The following CYP2C19 variants were observed in gnomAD, a reference collection of about 807,000 sequenced individuals.
The protein encoded by CYP2C19 is cytochrome P450 2C19.
CYP2C19 carries 59 observed loss-of-function variants against 40.9 expected under a neutral mutation model. The ratio of observed to expected loss-of-function variants is 1.44; its 90% CI spans 1.17 to 1.79. The LOEUF is 1.79. Ranked by LOEUF, CYP2C19 falls within the 40% of genes most tolerant of loss-of-function variation. CYP2C19 has a pLI of 0.00. For synonymous variants in CYP2C19, 253 were observed against 208.7 expected (o/e 1.21, Z -1.83); for missense variants, 754 against 596.9 (o/e 1.26, Z -2.74).
intron 5 of CYP2C19, among the ~76,000 whole-genome samples, chr10:94,798,078 G>T (rs1387694530): frequency 6.6e-6 from 1 of 151,834 alleles, no homozygotes; most frequent in Non-Finnish European, 1.5e-5. Flanking sequence ...TTTTAATTGT[G>T]AGTTTTGGTG....
At chr10:94,790,152 T>C (rs531871900) in intron 5 of CYP2C19, among the ~76,000 whole-genome samples, 1 of 152,278 alleles carries the variant, frequency 6.6e-6, no homozygotes, top group Admixed American at 6.5e-5. Flanking sequence ...GTTTATCTAT[T>C]ATTGGTGTAT....
intron 5 of CYP2C19, among the ~76,000 whole-genome samples, chr10:94,793,207 G>T (rs974743411): frequency 2.0e-5 from 3 of 152,026 alleles, no homozygotes; most frequent in Non-Finnish European, 4.4e-5. Context: ...AGTTCCATCA[G>T]GTCATTTAAG....
At chr10:94,830,110 TTGTC>T (rs1849304816) in intron 6 of CYP2C19, among the ~76,000 whole-genome samples, 1 of 152,190 alleles carries the variant, frequency 6.6e-6, no homozygotes, top group South Asian at 2.1e-4. Context: ...GTCTTTTTGT[TTGTC>T]TGTGCCCTGC....
At chr10:94,831,438 A>C (rs917443650) in intron 6 of CYP2C19, among the ~76,000 whole-genome samples, 1 of 152,190 alleles carries the variant, frequency 6.6e-6, no homozygotes, top group Admixed American at 6.5e-5. Context: ...TTTTTAAAAA[A>C]CTTACAATAT....
chr10:94,789,311 G>C (rs535997172), intron 5 of CYP2C19, among the ~76,000 whole-genome samples: 10 of 151,864 alleles, frequency 6.6e-5, no homozygotes, highest in Non-Finnish European at 1.2e-4. Flanking sequence ...TCACTCTGAC[G>C]ATAGTTTCTT....
In CYP2C19 at chr10:94,849,908, T is replaced by A; in HGVS notation, c.1150-9T>A. ...TACAGCTCAGTTCACCTATGTCTCT[T>A]GTTTCTAGGGCACAACCATATTAAC... On this transcript the variant is annotated splice_polypyrimidine_tract_variant and intron_variant, in intron 7 of 8. Coordinates refer to ENST00000371321, the MANE Select transcript of CYP2C19 (RefSeq NM_000769.4). 2 of 1,613,534 alleles carry A rather than the reference T, an allele frequency of 1.2e-6. No individual in the cohort carries two copies. The highest frequency in any genetic ancestry group is 1.7e-6 in the Non-Finnish European group (2 of 1,179,644).
chr10:94,840,809 A>G (rs562741444), intron 6 of CYP2C19, among the ~76,000 whole-genome samples: 45 of 152,030 alleles, frequency 3.0e-4, no homozygotes, highest in Non-Finnish European at 6.0e-4. Flanking sequence ...CATTCCCAAT[A>G]GAAGGGTTGG....
In CYP2C19 at chr10:94,781,134, G is replaced by A. The variant is rs117942833; in HGVS notation, c.642+475G>A. Among the ~76,000 whole-genome samples, 240 of 152,310 alleles carry A rather than the reference G, an allele frequency of 1.6e-3. 1 individual carries two copies. The highest frequency in any genetic ancestry group is 2.7e-3 in the Non-Finnish European group (187 of 68,028). ...AAGCTGCCAAGAAACACTGAATAGG[G>A]CAGAGGTGTTTGATGTCTCAGTTGG... is the stretch of plus-strand genomic sequence containing the variant. On this transcript the variant is annotated intron_variant, in intron 4 of 8. Transcript: ENST00000371321.
intron 5 of CYP2C19, among the ~76,000 whole-genome samples, chr10:94,804,063 A>C (rs892425631): frequency 6.6e-6 from 1 of 152,034 alleles, no homozygotes; most frequent in Non-Finnish European, 1.5e-5. Flanking sequence ...TATACCAAGG[A>C]AGAGTGGGGT....
At chr10:94,800,982 G>T (rs1014758736) in intron 5 of CYP2C19, among the ~76,000 whole-genome samples, 1 of 152,168 alleles carries the variant, frequency 6.6e-6, no homozygotes. Flanking sequence ...TCCTGGGTGA[G>T]GCAGTGCCCC....
At chr10:94,850,983 G>T (rs1047353253) in intron 8 of CYP2C19, among the ~76,000 whole-genome samples, 1 of 152,138 alleles carries the variant, frequency 6.6e-6, no homozygotes, top group Non-Finnish European at 1.5e-5. Flanking sequence ...TTTGATGTCT[G>T]CTTTATATGT....
intron 5 of CYP2C19, among the ~76,000 whole-genome samples, chr10:94,802,230 C>A (rs989125713): frequency 1.3e-5 from 2 of 152,184 alleles, no homozygotes; most frequent in East Asian, 3.9e-4. Context: ...TTTTACAGAG[C>A]GCTGATTGGT....
At chr10:94,800,731 G>A (rs749033680) in intron 5 of CYP2C19, among the ~76,000 whole-genome samples, 1 of 152,168 alleles carries the variant, frequency 6.6e-6, no homozygotes, top group Non-Finnish European at 1.5e-5. Flanking sequence ...AATGGTGGAT[G>A]CCCCTTCCCC....
intron 8 of CYP2C19, among the ~76,000 whole-genome samples, chr10:94,852,028 T>A (rs1849661088): frequency 6.6e-6 from 1 of 152,216 alleles, no homozygotes; most frequent in South Asian, 2.1e-4. Flanking sequence ...AAAGTTCATC[T>A]TGTTCAAAAG....
chr10:94,803,483 A>G (rs373232465), intron 5 of CYP2C19, among the ~76,000 whole-genome samples: 2 of 152,186 alleles, frequency 1.3e-5, no homozygotes, highest in Admixed American at 6.5e-5. Flanking sequence ...TTGTTTCCTC[A>G]GGCAATCTGT....
intron 5 of CYP2C19, among the ~76,000 whole-genome samples, chr10:94,799,097 T>A (rs951020594): frequency 6.6e-5 from 10 of 152,062 alleles, no homozygotes; most frequent in Non-Finnish European, 1.3e-4. Context: ...TTTCATAGCA[T>A]TGATGGTCTT....
intron 5 of CYP2C19, among the ~76,000 whole-genome samples, chr10:94,789,431 C>T (rs1848580308): frequency 1.3e-5 from 2 of 152,002 alleles, no homozygotes; most frequent in South Asian, 4.2e-4. Context: ...TGCCTATGTC[C>T]TGAATGGTAT....
intron 5 of CYP2C19, among the ~76,000 whole-genome samples, chr10:94,789,192 TG>T (rs767095592): frequency 1.3e-5 from 2 of 152,004 alleles, no homozygotes; most frequent in Non-Finnish European, 2.9e-5. Flanking sequence ...TTGATGGGGT[TG>T]TTTTTTTTTC....
intron 8 of CYP2C19, 132 bp from the exon 9 acceptor site, chr10:94,852,601 T>C: frequency 4.4e-6 from 4 of 914,780 alleles, no homozygotes; most frequent in Non-Finnish European, 6.7e-6. Context: ...ACCACCCATC[T>C]ATCTACTCAT....
Sources: allele counts gnomAD v4.1 joint callset (sites outside exome capture counted in the v4.1 genomes callset), GRCh38; gene constraint gnomAD v4.1.1; transcripts MANE v1.5; gene names NCBI Gene and HGNC (gene_info 2026-07-23, HGNC 2026-07-21).